Variants in CASK observed in about 807,000 individuals in gnomAD.
CASK encodes peripheral plasma membrane protein CASK.
CASK carries 4 observed loss-of-function variants against 82.9 expected under a neutral mutation model. The ratio of observed to expected loss-of-function variants is 0.05; its 90% CI spans 0.02 to 0.11. The LOEUF is 0.11. Ranked by LOEUF, CASK falls within the 10% of genes least tolerant of loss-of-function variation. The pLI is 1.00. For missense variants in CASK, 358 were observed against 720.9 expected (o/e 0.50, Z 5.76); for synonymous variants, 259 against 253.5 (o/e 1.02, Z -0.20).
rs781323448 is a variant in CASK at position 41,909,892 on chromosome X, C to T, written c.59+13038G>A. On this transcript the variant is annotated intron_variant, in intron 1 of 26. Transcript: ENST00000378163. The stretch of plus-strand genomic sequence containing the variant: ...AAAGTGCAGGGATTACAGGTGTGAG[C>T]CACCGTGCCCAGCCAAAGTACAAGT... Among the ~76,000 whole-genome samples the T allele has an allele frequency of 2.7e-5, 3 of 111,267 alleles. 1 individual carries two copies. In the East Asian group the frequency reaches 8.9e-4, roughly 33 times the overall value.
chrX:41,901,261 T>C (rs2072375042), intron 1 of CASK, among the ~76,000 whole-genome samples: 1 of 111,305 alleles, frequency 9.0e-6, no homozygotes, highest in Non-Finnish European at 1.9e-5. Context: ...GCGGGTGGGT[T>C]GCTTGAGGAC....
chrX:41,779,852 A>AT (rs2069440722), intron 3 of CASK, among the ~76,000 whole-genome samples: 1 of 111,103 alleles, frequency 9.0e-6, no homozygotes, highest in African/African-American at 3.3e-5. Context: ...GACCAAAAAA[A>AT]AATAATAATA....
At position 41,665,482 on chromosome X, in the gene CASK, G is replaced by A. The variant is rs766903144; in HGVS notation, c.533-30C>T. 12 of 1,114,033 alleles carry A rather than the reference G, an allele frequency of 1.1e-5. No individual in the cohort carries two copies. The African/African-American group carries it at 2.0e-4, about 19-fold the overall frequency. The allele number at this position is 1,114,033 out of a possible 1,213,427, so 91.8% of individuals were successfully genotyped here. ...ATTTAAAACAACATTAAGGAAAAAT[G>A]TTTACATAAAATGGGATTTTCACTT... On this transcript the variant is annotated intron_variant, in intron 6 of 26. Transcript: ENST00000378163.
At chrX:41,594,861 C>T (rs1450816699) in intron 12 of CASK, among the ~76,000 whole-genome samples, 1 of 111,793 alleles carries the variant, frequency 8.9e-6, no homozygotes, top group Non-Finnish European at 1.9e-5. Context: ...AGAGCCAACA[C>T]TGGGGTGTCT....
At chrX:41,760,798 A>G (rs916526547) in intron 3 of CASK, among the ~76,000 whole-genome samples, 2 of 111,365 alleles carry the variant, frequency 1.8e-5, no homozygotes, top group Admixed American at 9.6e-5. Flanking sequence ...TTATTATACA[A>G]ATACCTTATG....
chrX:41,786,611 C>T (rs920113112), intron 3 of CASK, among the ~76,000 whole-genome samples: 2 of 110,558 alleles, frequency 1.8e-5, no homozygotes, highest in African/African-American at 6.6e-5. Flanking sequence ...TATATAATCT[C>T]TTTGGACACA....
intron 3 of CASK, among the ~76,000 whole-genome samples, chrX:41,749,414 C>T (rs1403468358): frequency 2.0e-4 from 12 of 60,562 alleles, no homozygotes; most frequent in Admixed American, 1.1e-3. Flanking sequence ...TAGACAGAGT[C>T]TTGCTCTGTC....
intron 7 of CASK, among the ~76,000 whole-genome samples, chrX:41,661,749 T>A (rs1238760713): frequency 9.2e-6 from 1 of 109,241 alleles, no homozygotes; most frequent in Non-Finnish European, 1.9e-5. Flanking sequence ...ACTAATGCCA[T>A]AAGGCTGTTT....
At chrX:41,813,489 G>T (rs2070347651) in intron 2 of CASK, among the ~76,000 whole-genome samples, 1 of 110,989 alleles carries the variant, frequency 9.0e-6, no homozygotes. Flanking sequence ...CAAGAAATAG[G>T]GAAAGTATTC....
At chrX:41,705,726 T>C (rs2147614797) in intron 5 of CASK, among the ~76,000 whole-genome samples, 1 of 111,824 alleles carries the variant, frequency 8.9e-6, no homozygotes, top group South Asian at 3.8e-4. Context: ...AAATGTGGTA[T>C]ATTTTGAAAT....
At chrX:41,611,379 C>T (rs1328723295) in intron 11 of CASK, among the ~76,000 whole-genome samples, 1 of 109,646 alleles carries the variant, frequency 9.1e-6, no homozygotes, top group East Asian at 2.8e-4. Context: ...TCATGCACTT[C>T]GATTTAGTAA....
chrX:41,757,027 G>A (rs1253760139), intron 3 of CASK, among the ~76,000 whole-genome samples: 2 of 111,750 alleles, frequency 1.8e-5, no homozygotes, highest in Non-Finnish European at 3.8e-5. Context: ...CTATTATGGG[G>A]GCCCCATGTT....
At chrX:41,544,285 A>T (rs888419529) in intron 21 of CASK, among the ~76,000 whole-genome samples, 1 of 111,762 alleles carries the variant, frequency 8.9e-6, no homozygotes, top group African/African-American at 3.2e-5. Context: ...AGAAATCCTC[A>T]GCCAGGTGCG....
intron 11 of CASK, among the ~76,000 whole-genome samples, chrX:41,614,316 G>C (rs2147297371): frequency 9.0e-6 from 1 of 110,977 alleles, no homozygotes; most frequent in South Asian, 3.8e-4. Flanking sequence ...ACTGCCTATG[G>C]GGTAGCCCTG....
intron 5 of CASK, among the ~76,000 whole-genome samples, chrX:41,673,829 GTTTTTTTT>G (rs887137250): frequency 3.9e-5 from 2 of 51,046 alleles, no homozygotes; most frequent in African/African-American, 7.5e-5. Context: ...AACTCTGGGT[GTTTTTTTT>G]TTTTTTTTTT....
chrX:41,851,925 G>T (rs2071274238), intron 2 of CASK, among the ~76,000 whole-genome samples: 1 of 111,127 alleles, frequency 9.0e-6, no homozygotes, highest in African/African-American at 3.3e-5. Flanking sequence ...GCAGTTAAAG[G>T]TGTAAGGAAA....
chrX:41,682,529 G>GAAAAAAAAA (rs869093187), intron 5 of CASK, among the ~76,000 whole-genome samples: 2 of 23,176 alleles, frequency 8.6e-5, no homozygotes, highest in Non-Finnish European at 1.3e-4. Context: ...ACTGTCTCAG[G>GAAAAAAAAA]AAAAAAAAAA....
intron 1 of CASK, among the ~76,000 whole-genome samples, chrX:41,861,051 C>T (rs1316353940): frequency 8.9e-6 from 1 of 112,172 alleles, no homozygotes; most frequent in Non-Finnish European, 1.9e-5. Context: ...TAATTAGTAC[C>T]TCTGTCACAC....
Position 41,537,463 on chromosome X carries a change from T to C in CASK, c.2156-2490A>G, listed in dbSNP as rs746513998. On this transcript the variant is annotated intron_variant, in intron 22 of 26. Coordinates refer to ENST00000378163, the MANE Select transcript of CASK (RefSeq NM_001367721.1). ...ATAGTCATTCAACAGGTTACTTACA[T>C]GCACAGAGGCCATTGGGAGTGAGAC... is the stretch of plus-strand genomic sequence containing the variant. 9.9e-5 allele frequency among the ~76,000 whole-genome samples: 11 copies of C among 111,539 alleles called. 1 individual carries two copies. The highest frequency in any genetic ancestry group is 8.6e-4 in the Admixed American group (9 of 10,431).
Sources: gnomAD v4.1 joint callset for allele counts (sites outside exome capture counted in the v4.1 genomes callset) on GRCh38, gnomAD v4.1.1 for gene constraint, MANE v1.5 for transcripts, NCBI Gene and HGNC (gene_info 2026-07-23, HGNC 2026-07-21) for gene names.